Variants in CNIH3 observed in about 807,000 individuals in gnomAD.
The protein encoded by CNIH3 is protein cornichon homolog 3.
CNIH3 carries 14 observed loss-of-function variants against 24.1 expected under a neutral mutation model. That is an observed-to-expected ratio of 0.58 (90% CI 0.38 to 0.91). CNIH3 has a LOEUF of 0.91. CNIH3 is among the 40% of genes least tolerant of loss of function. The pLI, the probability that CNIH3 is intolerant of heterozygous loss-of-function variation, is 0.00. For missense variants in CNIH3, 178 were observed against 196.8 expected (o/e 0.90, Z 0.57); for synonymous variants, 68 against 73.8 (o/e 0.92, Z 0.40).
At chr1:224,470,824 G>T (rs750816656) in intron 1 of CNIH3, among the ~76,000 whole-genome samples, 3 of 151,932 alleles carry the variant, frequency 2.0e-5, no homozygotes, top group African/African-American at 4.8e-5. Context: ...TTTTTTGGGG[G>T]TACATAGTAG....
intron 5 of CNIH3, among the ~76,000 whole-genome samples, chr1:224,736,774 C>T (rs1399335415): frequency 1.3e-5 from 2 of 152,198 alleles, no homozygotes; most frequent in African/African-American, 4.8e-5. Flanking sequence ...AGTGGGTTCA[C>T]CTAAGTCTTT....
chr1:224,617,657 G>C (rs1481907685), intron 1 of CNIH3, among the ~76,000 whole-genome samples: 1 of 152,248 alleles, frequency 6.6e-6, no homozygotes, highest in African/African-American at 2.4e-5. Flanking sequence ...TAAAATGTCA[G>C]CATCTGTGGT....
intron 1 of CNIH3, among the ~76,000 whole-genome samples, chr1:224,450,346 A>C (rs567109681): frequency 6.6e-6 from 1 of 152,338 alleles, no homozygotes; most frequent in Admixed American, 6.5e-5. Flanking sequence ...ATGACGTGCT[A>C]GGCAGAGAAT....
At chr1:224,578,901 A>C (rs944653959) in intron 4 of CNIH3, among the ~76,000 whole-genome samples, 2 of 152,062 alleles carry the variant, frequency 1.3e-5, no homozygotes, top group African/African-American at 4.8e-5. Context: ...TGTTGTGCTG[A>C]GAGTTCAGAG....
chr1:224,598,569 G>C (rs891963430), intron 3 of CNIH3, among the ~76,000 whole-genome samples: 2 of 152,156 alleles, frequency 1.3e-5, no homozygotes, highest in African/African-American at 4.8e-5. Flanking sequence ...TTCACGAAAG[G>C]AAGAGTCAAC....
rs146542286 is a variant in CNIH3, at chr1:224,711,583, C to G, written c.199-18879C>G. On this transcript the variant is annotated intron_variant, in intron 3 of 5. Transcript: ENST00000272133. The stretch of plus-strand genomic sequence containing the variant: ...GCTGAGGTGGGTGGATTGCTTGCAT[C>G]TAGGAGTTTGAGACCAGCCTGGGCA... Among the ~76,000 whole-genome samples the G allele has an allele frequency of 5.1e-3, 779 of 151,726 alleles. 7 individuals carry two copies. Among genetic ancestry groups the G allele is most frequent in the African/African-American group, 0.018 (726 of 41,380 alleles).
chr1:224,516,896 G>GTTTTTAGGAGCTAC (rs1678412316), intron 1 of CNIH3, among the ~76,000 whole-genome samples: 1 of 151,010 alleles, frequency 6.6e-6, no homozygotes, highest in African/African-American at 2.4e-5. Flanking sequence ...GTTTTTTTTT[G>GTTTTTAGGAGCTAC]TTTTTAGGAG....
intron 1 of CNIH3, among the ~76,000 whole-genome samples, chr1:224,505,018 C>G (rs1323756579): frequency 3.7e-5 from 4 of 109,046 alleles, no homozygotes; most frequent in Admixed American, 1.9e-4. Context: ...CCCTCCCTCC[C>G]TCCCTCCCTC....
chr1:224,727,764 A>G (rs1322124182), intron 3 of CNIH3, among the ~76,000 whole-genome samples: 1 of 152,128 alleles, frequency 6.6e-6, no homozygotes, highest in Non-Finnish European at 1.5e-5. Context: ...TCAAAAGGTC[A>G]CTGTCACTCC....
chr1:224,734,146 T>G (rs1689477049), intron 4 of CNIH3, among the ~76,000 whole-genome samples: 1 of 152,214 alleles, frequency 6.6e-6, no homozygotes, highest in South Asian at 2.1e-4. Flanking sequence ...TGTCCCGAAG[T>G]ATTCAGGATT....
intron 1 of CNIH3, among the ~76,000 whole-genome samples, chr1:224,499,645 T>G (rs1201598652): frequency 6.6e-6 from 1 of 152,202 alleles, no homozygotes. Context: ...CTCTAATACC[T>G]TTCTAGTTTC....
chr1:224,519,108 G>A (rs560581815), intron 1 of CNIH3, among the ~76,000 whole-genome samples: 370 of 152,290 alleles, frequency 2.4e-3, no homozygotes, highest in Non-Finnish European at 3.8e-3. Flanking sequence ...CTTAATAAAT[G>A]GCAGTTACTA....
rs557049585 is a variant in CNIH3, at chr1:224,578,776, G to A, written n.517-4388G>A. On this transcript the variant is annotated intron_variant and non_coding_transcript_variant, in intron 4 of 5. Coordinates refer to the CNIH3 transcript ENST00000471578. ...GTTGCTGCTAATTCAATGTCTTTCT[G>A]ATTCTTTATACTTTTGTTGAAACTC... is the stretch of plus-strand genomic sequence containing the variant. 2.0e-5 allele frequency among the ~76,000 whole-genome samples: 3 copies of A among 152,212 alleles called. No individual in the cohort carries two copies. The East Asian group carries it at 5.8e-4, about 29-fold the overall frequency.
intron 3 of CNIH3, among the ~76,000 whole-genome samples, chr1:224,699,600 T>G (rs1271447895): frequency 1.3e-5 from 2 of 152,210 alleles, no homozygotes; most frequent in African/African-American, 4.8e-5. Context: ...TTTCCTCTTC[T>G]TTAAGGACAC....
intron 3 of CNIH3, among the ~76,000 whole-genome samples, chr1:224,601,420 G>A (rs1303344784): frequency 2.6e-5 from 4 of 152,174 alleles, no homozygotes; most frequent in African/African-American, 9.7e-5. Context: ...ACATGCTTGA[G>A]CCCATTCACC....
intron 3 of CNIH3, among the ~76,000 whole-genome samples, chr1:224,728,046 G>GTGATTAAGA (rs1689126554): frequency 2.0e-5 from 3 of 152,152 alleles, no homozygotes; most frequent in Non-Finnish European, 4.4e-5. Flanking sequence ...AGAAGCAGTG[G>GTGATTAAGA]TGATTAAGAG....
At chr1:224,492,470 A>T (rs1677270677) in intron 1 of CNIH3, among the ~76,000 whole-genome samples, 1 of 152,238 alleles carries the variant, frequency 6.6e-6, no homozygotes, top group Non-Finnish European at 1.5e-5. Flanking sequence ...TAAGTAAATA[A>T]CCTACATGAC....
intron 3 of CNIH3, among the ~76,000 whole-genome samples, chr1:224,710,758 C>A (rs982051493): frequency 4.6e-5 from 7 of 152,212 alleles, no homozygotes; most frequent in Admixed American, 3.3e-4. Context: ...ACCACTTTAT[C>A]ACTTGGAATG....
intron 1 of CNIH3, among the ~76,000 whole-genome samples, chr1:224,445,823 C>T (rs1419044759): frequency 1.3e-5 from 2 of 152,154 alleles, no homozygotes; most frequent in Non-Finnish European, 2.9e-5. Context: ...CATTTCTCGT[C>T]CTCAAGGGCA....
Sources: gnomAD v4.1 joint callset for allele counts (sites outside exome capture counted in the v4.1 genomes callset) on GRCh38, gnomAD v4.1.1 for gene constraint, MANE v1.5 for transcripts, NCBI Gene and HGNC (gene_info 2026-07-23, HGNC 2026-07-21) for gene names.